The following SGIP1 variants were observed in gnomAD, a reference collection of about 807,000 sequenced individuals.
The protein encoded by SGIP1 is SH3-containing GRB2-like protein 3-interacting protein 1.
SGIP1 carries 38 observed loss-of-function variants against 107.5 expected under a neutral mutation model. The ratio of observed to expected loss-of-function variants is 0.35; its 90% CI spans 0.27 to 0.46. SGIP1 has a LOEUF of 0.46. Among genes scored for constraint, SGIP1 ranks in the 20% least tolerant of loss-of-function variants. The pLI is 1.00. For missense variants in SGIP1, 929 were observed against 1,019.5 expected, an observed-to-expected ratio of 0.91 and a Z score of 1.21; for synonymous variants, 365 against 366.1, an observed-to-expected ratio of 1.00 and a Z score of 0.03.
intron 1 of SGIP1, among the ~76,000 whole-genome samples, chr1:66,540,061 T>C (rs1449982127): frequency 6.6e-6 from 1 of 152,202 alleles, no homozygotes; most frequent in East Asian, 1.9e-4. Context: ...GATAACTGTA[T>C]ACTATTCATT....
intron 8 of SGIP1, among the ~76,000 whole-genome samples, chr1:66,661,585 AG>A (rs1365262470): frequency 1.3e-5 from 2 of 152,352 alleles, no homozygotes; most frequent in Non-Finnish European, 1.5e-5. Flanking sequence ...ATTATTACTA[AG>A]CTAAATGGCC....
At chr1:66,545,284 T>G (rs1483278613) in intron 1 of SGIP1, among the ~76,000 whole-genome samples, 2 of 105,604 alleles carry the variant, frequency 1.9e-5, no homozygotes, top group Non-Finnish European at 4.3e-5. Flanking sequence ...CAGAGCTCCT[T>G]GCCATTCTCT....
At chr1:66,690,604 G>T in intron 17 of SGIP1, 1 of 261,962 alleles carries the variant, frequency 3.8e-6, no homozygotes, top group Non-Finnish European at 7.1e-6. Flanking sequence ...GCCAAGGAAG[G>T]TCTTGTAATT....
chr1:66,673,786 A>G (rs954121357), intron 12 of SGIP1, among the ~76,000 whole-genome samples: 1 of 151,950 alleles, frequency 6.6e-6, no homozygotes, highest in Non-Finnish European at 1.5e-5. Context: ...GCTCTTTCCC[A>G]CCTCATAATG....
chr1:66,696,268 T>C (rs1335217210), intron 18 of SGIP1, among the ~76,000 whole-genome samples: 3 of 152,230 alleles, frequency 2.0e-5, no homozygotes, highest in Admixed American at 1.3e-4. Flanking sequence ...TTTGAACTAA[T>C]GATGGGGGAA....
intron 19 of SGIP1, among the ~76,000 whole-genome samples, chr1:66,724,799 T>A (rs2093684907): frequency 6.6e-6 from 1 of 152,164 alleles, no homozygotes. Context: ...TAGATCTCAT[T>A]TTGAGCAACT....
At chr1:66,595,123 T>A (rs2064371730) in intron 1 of SGIP1, among the ~76,000 whole-genome samples, 1 of 152,206 alleles carries the variant, frequency 6.6e-6, no homozygotes, top group Non-Finnish European at 1.5e-5. Flanking sequence ...GACACATTTA[T>A]CAGATTTGTT....
chr1:66,631,363 A>T (rs2074645130), intron 2 of SGIP1, among the ~76,000 whole-genome samples: 2 of 152,092 alleles, frequency 1.3e-5, no homozygotes, highest in African/African-American at 4.8e-5. Context: ...TTTAAATAAA[A>T]TTTTTTCAAA....
Position 66,741,312 on chromosome 1 carries a change from C to T in SGIP1, c.2340C>T (p.Gly780=), listed in dbSNP as rs759606108. 3.7e-6 allele frequency: 6 copies of T among 1,603,056 alleles called. No homozygotes were observed. The highest frequency in any genetic ancestry group is 5.1e-6 in the Non-Finnish European group (6 of 1,174,892). ...TGGCAAGATTTCAGTTATCTGAAGGCCCAAGCAAACCTTCTCCATTGGTTG... is the reference window on the plus strand; with the variant it reads ...TGGCAAGATTTCAGTTATCTGAAGGTCCAAGCAAACCTTCTCCATTGGTTG... The part of the protein sequence containing the change: ...SLLARFQLSE[G]PSKPSPLVVQ... Residue 780 remains glycine (G), a synonymous_variant, in exon 24 of 25, where the codon GGC becomes GGT. Coordinates refer to ENST00000371037, the MANE Select transcript of SGIP1 (RefSeq NM_032291.4).
At chr1:66,709,842 G>A (rs916592976) in intron 18 of SGIP1, among the ~76,000 whole-genome samples, 1 of 152,076 alleles carries the variant, frequency 6.6e-6, no homozygotes, top group African/African-American at 2.4e-5. Context: ...AATTCAGAAA[G>A]TATATGTTCT....
chr1:66,562,045 C>T (rs545443102), intron 1 of SGIP1, among the ~76,000 whole-genome samples: 32 of 151,850 alleles, frequency 2.1e-4, no homozygotes, highest in African/African-American at 7.0e-4. Context: ...CTTCCCAAAT[C>T]GAAGATTTCT....
chr1:66,589,409 C>G (rs558344675), intron 1 of SGIP1, among the ~76,000 whole-genome samples: 2 of 150,378 alleles, frequency 1.3e-5, no homozygotes, highest in South Asian at 4.2e-4. Context: ...CTTCTTTTCT[C>G]AAAAACAAAC....
chr1:66,577,230 G>C (rs2061188821), intron 1 of SGIP1, among the ~76,000 whole-genome samples: 1 of 152,084 alleles, frequency 6.6e-6, no homozygotes, highest in Admixed American at 6.6e-5. Flanking sequence ...GGCCTTTCTT[G>C]GTCTCTGTTC....
chr1:66,546,251 G>T (rs1369336734), intron 1 of SGIP1, among the ~76,000 whole-genome samples: 1 of 152,134 alleles, frequency 6.6e-6, no homozygotes, highest in Non-Finnish European at 1.5e-5. Context: ...GATCACACTG[G>T]CTGAGAGCCA....
At chr1:66,684,292 C>CTACA (rs1332793283) in intron 15 of SGIP1, 14 of 1,477,832 alleles carry the variant, frequency 9.5e-6, no homozygotes, top group Non-Finnish European at 1.3e-5. Context: ...TGACACCCAT[C>CTACA]TACACTGCAC....
chr1:66,566,258 T>A (rs986829698), intron 1 of SGIP1, among the ~76,000 whole-genome samples: 3 of 152,024 alleles, frequency 2.0e-5, no homozygotes, highest in East Asian at 1.9e-4. Context: ...CTTTTAAAGA[T>A]CGATGTGAAT....
At chr1:66,534,670 C>T (rs564119937) in intron 1 of SGIP1, among the ~76,000 whole-genome samples, 2 of 152,196 alleles carry the variant, frequency 1.3e-5, no homozygotes, top group East Asian at 3.9e-4. Context: ...ATAAGTTGGG[C>T]GAGAAGATAA....
intron 9 of SGIP1, among the ~76,000 whole-genome samples, chr1:66,669,955 T>C (rs943273614): frequency 6.6e-6 from 1 of 152,162 alleles, no homozygotes; most frequent in East Asian, 1.9e-4. Context: ...GAGAAGAAAA[T>C]GTATCTGTGA....
At chr1:66,725,182 G>A (rs1230716973) in intron 19 of SGIP1, among the ~76,000 whole-genome samples, 2 of 152,116 alleles carry the variant, frequency 1.3e-5, no homozygotes, top group Non-Finnish European at 2.9e-5. Flanking sequence ...ACAAAGTTAT[G>A]GATTTAACAC....
Sources: gnomAD v4.1 joint callset for allele counts (sites outside exome capture counted in the v4.1 genomes callset) on GRCh38, gnomAD v4.1.1 for gene constraint, MANE v1.5 for transcripts, NCBI Gene and HGNC (gene_info 2026-07-23, HGNC 2026-07-21) for gene names.